Variants in SLC1A2 observed in about 807,000 individuals in gnomAD.
SLC1A2 encodes the protein excitatory amino acid transporter 2.
A neutral mutation model predicts 48.8 loss-of-function variants in SLC1A2; 15 were observed. That is an observed-to-expected ratio of 0.31 (90% CI 0.21 to 0.47). The LOEUF is 0.47. Among genes scored for constraint, SLC1A2 ranks in the 20% least tolerant of loss-of-function variants. The pLI is 0.99. For synonymous variants in SLC1A2, 279 were observed against 272.6 expected (o/e 1.02, Z -0.23); for missense variants, 502 against 730.5 (o/e 0.69, Z 3.61).
In SLC1A2 at chr11:35,256,723, T is replaced by C. The variant is rs981918459; in HGVS notation, c.*4171A>G. 1 of 152,128 alleles carries C rather than the reference T, an allele frequency of 6.6e-6. No individual in the cohort carries two copies. Among genetic ancestry groups the C allele is most frequent in the African/African-American group, 2.4e-5 (1 of 41,420 alleles). The allele number at this position is 152,128 out of a possible 1,614,324, so 9.4% of individuals were successfully genotyped here. A position where few individuals can be genotyped will look rare whatever the true frequency, so the allele number is the denominator to read the frequency against. On this transcript the variant is annotated 3_prime_UTR_variant, in exon 11 of 11. Transcript: ENST00000278379. ...TTTGGTCCTTTTTCTTGGTTTGGAATGAGTTCAGTTGGAGAATAAGTAAAA... is the reference window on the plus strand; with the variant it reads ...TTTGGTCCTTTTTCTTGGTTTGGAACGAGTTCAGTTGGAGAATAAGTAAAA...
rs539741080 is a variant in SLC1A2, at chr11:35,383,870, C to A, written c.17+35080G>T. Among the ~76,000 whole-genome samples the A allele has an allele frequency of 3.3e-5, 5 of 152,170 alleles. 1 individual carries two copies. The South Asian group carries it at 8.3e-4, about 25-fold the overall frequency. ...ATTTTGAGGAATGGCCACCATGATACCATCTCACTCAGTACATCTATGGTG... is the reference window on the plus strand; with the variant it reads ...ATTTTGAGGAATGGCCACCATGATAACATCTCACTCAGTACATCTATGGTG... On this transcript the variant is annotated intron_variant, in intron 1 of 10. Coordinates refer to ENST00000278379, the MANE Select transcript of SLC1A2 (RefSeq NM_004171.4).
intron 9 of SLC1A2, among the ~76,000 whole-genome samples, chr11:35,276,554 G>A (rs1382396028): frequency 6.6e-6 from 1 of 152,190 alleles, no homozygotes; most frequent in Non-Finnish European, 1.5e-5. Flanking sequence ...GTGAGCACCT[G>A]CATGGGGTGA....
intron 1 of SLC1A2, among the ~76,000 whole-genome samples, chr11:35,410,829 A>T (rs1031078044): frequency 1.3e-5 from 2 of 151,882 alleles, no homozygotes; most frequent in African/African-American, 4.8e-5. Context: ...GACTGTTTCA[A>T]CCTCTCCCTC....
At chr11:35,264,230 A>G (rs962177912) in intron 10 of SLC1A2, 4 of 152,256 alleles carry the variant, frequency 2.6e-5, no homozygotes, top group Non-Finnish European at 4.4e-5. Flanking sequence ...AGTCCACTAG[A>G]ATTCTGGACC....
chr11:35,294,726 A>G (rs1851117585), intron 6 of SLC1A2, among the ~76,000 whole-genome samples: 1 of 152,200 alleles, frequency 6.6e-6, no homozygotes, highest in Non-Finnish European at 1.5e-5. Context: ...CTTTGCCAAA[A>G]AAAGACTAGC....
rs150344203 is a variant in SLC1A2, at chr11:35,294,803, C to T, written c.858-2283G>A. On this transcript the variant is annotated intron_variant, in intron 6 of 10. Transcript: ENST00000278379. ...GGACTAGAGAGAGGTAACAGTTTAC[C>T]TCTGGGGCACTTAGCCAGCTGAGAA... is the stretch of plus-strand genomic sequence containing the variant. Among the ~76,000 whole-genome samples the T allele has an allele frequency of 1.1e-3, 167 of 152,242 alleles. 1 individual carries two copies. The East Asian group carries it at 0.029, about 27-fold the overall frequency.
At chr11:35,405,418 AT>A (rs60103066) in intron 1 of SLC1A2, among the ~76,000 whole-genome samples, 78,942 of 145,994 alleles carry the variant, frequency 0.54, 21,138 homozygotes, top group Middle Eastern at 0.65. Context: ...CAAGCCCTGG[AT>A]TTTTTTTTTT....
At chr11:35,308,906 T>A (rs147701885) in intron 4 of SLC1A2, among the ~76,000 whole-genome samples, 3 of 152,290 alleles carry the variant, frequency 2.0e-5, no homozygotes, top group African/African-American at 7.2e-5. Context: ...TATAACCCTA[T>A]CTATATCCTT....
chr11:35,374,366 G>C (rs991813002), intron 1 of SLC1A2: 2 of 817,928 alleles, frequency 2.4e-6, no homozygotes, highest in Non-Finnish European at 4.0e-6. Context: ...ATGTGTTGTT[G>C]GAGAATTACA....
At chr11:35,410,330 A>G (rs1351226276) in intron 1 of SLC1A2, among the ~76,000 whole-genome samples, 1 of 152,198 alleles carries the variant, frequency 6.6e-6, no homozygotes, top group Non-Finnish European at 1.5e-5. Context: ...TACACAGTCA[A>G]TTGCTGTCAA....
At chr11:35,389,220 A>G (rs1854682222) in intron 1 of SLC1A2, among the ~76,000 whole-genome samples, 1 of 152,208 alleles carries the variant, frequency 6.6e-6, no homozygotes, top group Non-Finnish European at 1.5e-5. Flanking sequence ...TTTAACTTTT[A>G]TTTCATATAT....
chr11:35,363,714 T>TC (rs1237196330), intron 1 of SLC1A2, among the ~76,000 whole-genome samples: 1 of 152,134 alleles, frequency 6.6e-6, no homozygotes, highest in African/African-American at 2.4e-5. Context: ...AATAACTTGC[T>TC]CCAGGACACG....
intron 1 of SLC1A2, among the ~76,000 whole-genome samples, chr11:35,351,489 T>G (rs1853250123): frequency 6.6e-6 from 1 of 152,230 alleles, no homozygotes; most frequent in Non-Finnish European, 1.5e-5. Flanking sequence ...CTAAGGAGGT[T>G]TATAAGCTAA....
At chr11:35,360,989 T>A in intron 1 of SLC1A2, among the ~76,000 whole-genome samples, 1 of 152,024 alleles carries the variant, frequency 6.6e-6, no homozygotes, top group Non-Finnish European at 1.5e-5. Flanking sequence ...GATTTTCCTG[T>A]CTCAGCCTCC....
At chr11:35,277,043 G>A (rs1850462844) in intron 9 of SLC1A2, among the ~76,000 whole-genome samples, 1 of 152,112 alleles carries the variant, frequency 6.6e-6, no homozygotes, top group Non-Finnish European at 1.5e-5. Flanking sequence ...GGGCAAGAAG[G>A]GGCTGAATTC....
intron 1 of SLC1A2, among the ~76,000 whole-genome samples, chr11:35,320,747 G>A (rs920953103): frequency 1.3e-5 from 2 of 152,298 alleles, no homozygotes; most frequent in Non-Finnish European, 2.9e-5. Flanking sequence ...TTGACCATTC[G>A]TGCATTTATT....
At chr11:35,410,106 G>A (rs1855414680) in intron 1 of SLC1A2, among the ~76,000 whole-genome samples, 2 of 151,140 alleles carry the variant, frequency 1.3e-5, no homozygotes, top group South Asian at 2.1e-4. Flanking sequence ...AATATTTGAG[G>A]TTTTTATTTT....
rs1488355464 is a variant in SLC1A2, at chr11:35,419,145, C to G, written c.-179G>C. 3.2e-5 allele frequency: 16 copies of G among 500,336 alleles called. No individual in the cohort carries two copies. Among genetic ancestry groups the G allele is most frequent in the Non-Finnish European group, 5.3e-5 (15 of 283,798 alleles). The allele number at this position is 500,336 out of a possible 1,614,324, so 31.0% of individuals were successfully genotyped here. ...GCGCCTCAACGGGCGCAGGAGGCTC[C>G]TGCGGGCGCTAATCCGCGTCCCGGC... is the stretch of plus-strand genomic sequence containing the variant. On this transcript the variant is annotated 5_prime_UTR_variant, in exon 1 of 11. Transcript: ENST00000278379. This position sits in a 1 kb window ranked among gnomAD's most constrained non-coding sequence, Gnocchi z 5.4.
intron 8 of SLC1A2, among the ~76,000 whole-genome samples, chr11:35,281,425 G>A (rs191308262): frequency 6.6e-6 from 1 of 152,276 alleles, no homozygotes; most frequent in East Asian, 1.9e-4. Flanking sequence ...GAGGCTTTTG[G>A]ACTATGTGGC....
Sources: allele counts gnomAD v4.1 joint callset (sites outside exome capture counted in the v4.1 genomes callset), GRCh38; gene constraint gnomAD v4.1.1; non-coding constraint Gnocchi (gnomAD v3.1); transcripts MANE v1.5; gene names NCBI Gene and HGNC (gene_info 2026-07-23, HGNC 2026-07-21).